The following CPS1 variants were observed in gnomAD, a reference collection of about 807,000 sequenced individuals.
The protein encoded by CPS1 is carbamoyl-phosphate synthase [ammonia], mitochondrial.
CPS1 carries 109 observed loss-of-function variants against 174.6 expected under a neutral mutation model. The ratio of observed to expected loss-of-function variants is 0.62; its 90% confidence interval spans 0.53 to 0.73. The LOEUF (loss-of-function observed/expected upper bound fraction) is 0.73, where lower values mean the gene tolerates loss of function less well. Among genes scored for constraint, CPS1 ranks in the 30% least tolerant of loss-of-function variants. CPS1 has a pLI of 0.00. For missense variants in CPS1, 1,689 were observed against 1,821.9 expected (o/e 0.93, Z 1.33); for synonymous variants, 637 against 632.0 (o/e 1.01, Z -0.12).
At chr2:210,510,627 T>C (rs1046270136) in intron 1 of CPS1, among the ~76,000 whole-genome samples, 6 of 152,108 alleles carry the variant, frequency 3.9e-5, no homozygotes, top group African/African-American at 9.7e-5. Context: ...ATTTTTGCAA[T>C]CTGCTCATCT....
At chr2:210,566,820 C>T (rs1022223948) in intron 1 of CPS1, among the ~76,000 whole-genome samples, 3 of 151,520 alleles carry the variant, frequency 2.0e-5, no homozygotes, top group African/African-American at 4.9e-5. Flanking sequence ...GTATTCAGTA[C>T]GTTCATGTTA....
At chr2:210,530,629 C>T (rs1369863335) in intron 1 of CPS1, among the ~76,000 whole-genome samples, 1 of 152,022 alleles carries the variant, frequency 6.6e-6, no homozygotes, top group African/African-American at 2.4e-5. Flanking sequence ...GGAGGTTATT[C>T]AGTTTAACCT....
At chr2:210,670,196 G>A (rs1334988203) in intron 34 of CPS1, among the ~76,000 whole-genome samples, 113 of 151,850 alleles carry the variant, frequency 7.4e-4, no homozygotes, top group Admixed American at 7.3e-3. Flanking sequence ...GAGAGCATAC[G>A]GACACAGATT....
intron 35 of CPS1, 22 bp downstream of exon 35, chr2:210,674,983 T>G: frequency 6.3e-7 from 1 of 1,585,338 alleles, no homozygotes; most frequent in Non-Finnish European, 8.7e-7. Flanking sequence ...AGTTTTAAGT[T>G]GTTTTCTGTC....
intron 34 of CPS1, among the ~76,000 whole-genome samples, chr2:210,670,807 G>A (rs529534752): frequency 1.3e-5 from 2 of 151,928 alleles, no homozygotes; most frequent in Non-Finnish European, 2.9e-5. Context: ...CTCTGTTTCT[G>A]GTCTTCCAAA....
chr2:210,543,596 G>T (rs1378858422), intron 1 of CPS1, among the ~76,000 whole-genome samples: 2 of 152,016 alleles, frequency 1.3e-5, no homozygotes, highest in East Asian at 3.9e-4. Flanking sequence ...TAGCAAAACA[G>T]CCTACTTTAT....
chr2:210,602,403 G>A, intron 16 of CPS1, 73 bp downstream of exon 16: 1 of 1,523,242 alleles, frequency 6.6e-7, no homozygotes, highest in Non-Finnish European at 9.1e-7. Context: ...ACTAGAGAAA[G>A]TTATGTAGAT....
intron 1 of CPS1, among the ~76,000 whole-genome samples, chr2:210,549,319 A>G (rs1047045667): frequency 3.9e-5 from 6 of 152,064 alleles, no homozygotes; most frequent in South Asian, 4.1e-4. Flanking sequence ...TTTTGTTGCA[A>G]TGATAATCGT....
intron 1 of CPS1, among the ~76,000 whole-genome samples, chr2:210,482,142 T>C (rs985016667): frequency 6.6e-6 from 1 of 152,164 alleles, no homozygotes; most frequent in African/African-American, 2.4e-5. Flanking sequence ...CAAGGAGTTA[T>C]ATAAAACTTT....
At chr2:210,610,719 A>C (rs1277967319) in intron 19 of CPS1, among the ~76,000 whole-genome samples, 2 of 151,832 alleles carry the variant, frequency 1.3e-5, no homozygotes, top group African/African-American at 4.8e-5. Context: ...GTGCCGCTAC[A>C]CTCCAGCCTG....
At chr2:210,502,282 G>T (rs1373665653) in intron 1 of CPS1, among the ~76,000 whole-genome samples, 1 of 151,466 alleles carries the variant, frequency 6.6e-6, no homozygotes, top group Non-Finnish European at 1.5e-5. Context: ...GTTGATCTTT[G>T]TGCAATATCT....
At chr2:210,658,455 C>A in intron 30 of CPS1, 144 bp from the exon 31 acceptor site, 1 of 657,920 alleles carries the variant, frequency 1.5e-6, no homozygotes, top group Non-Finnish European at 2.8e-6. Context: ...TAGTGCCCTC[C>A]ATTATAATTA....
chr2:210,566,168 G>C (rs1470574761), intron 1 of CPS1, among the ~76,000 whole-genome samples: 1 of 152,028 alleles, frequency 6.6e-6, no homozygotes, highest in South Asian at 2.1e-4. Flanking sequence ...AGCAGGAGAT[G>C]GTTTGCTGAC....
chr2:210,637,704 A>G lies in CPS1; in HGVS notation c.2690A>G (p.Glu897Gly). ...MEKTLKGLNSESMTEETLKRA... is the reference protein window; with the variant it reads ...MEKTLKGLNSGSMTEETLKRA... ...CTCTCTTTTCTATTAAATCCTAGTGAGTCCATGACAGAAGAAACCCTGAAA... is the reference window on the plus strand; with the variant it reads ...CTCTCTTTTCTATTAAATCCTAGTGGGTCCATGACAGAAGAAACCCTGAAA... Residue 897 changes from glutamate (E) to glycine (G), a missense_variant and splice_region_variant, in exon 22 of 38, where the codon GAG becomes GGG. By Grantham distance (98) the Glu-to-Gly change is moderately conservative (BLOSUM62 -2). Coordinates refer to ENST00000233072, the MANE Select transcript of CPS1 (RefSeq NM_001875.5). The G allele has an allele frequency of 6.2e-7, 1 of 1,613,976 alleles. No individual in the cohort carries two copies. Among genetic ancestry groups the G allele is most frequent in the Non-Finnish European group, 8.5e-7 (1 of 1,179,882 alleles).
At chr2:210,507,149 G>A (rs557368678) in intron 1 of CPS1, among the ~76,000 whole-genome samples, 369 of 152,318 alleles carry the variant, frequency 2.4e-3, no homozygotes, top group African/African-American at 8.4e-3. Flanking sequence ...TACCCATAAA[G>A]GGAAGCCTAT....
chr2:210,539,082 T>G (rs898810539), intron 1 of CPS1, among the ~76,000 whole-genome samples: 1 of 152,184 alleles, frequency 6.6e-6, no homozygotes, highest in Non-Finnish European at 1.5e-5. Context: ...TCTTTTTATT[T>G]AGGCTTCATG....
intron 19 of CPS1, 26 bp downstream of exon 19, chr2:210,608,585 T>A: frequency 6.2e-7 from 1 of 1,603,718 alleles, no homozygotes; most frequent in East Asian, 2.2e-5. Context: ...ATTACGCTTT[T>A]CTTCTTGTTC....
intron 13 of CPS1, among the ~76,000 whole-genome samples, chr2:210,596,078 A>C (rs1698472315): frequency 1.3e-5 from 2 of 151,908 alleles, no homozygotes; most frequent in East Asian, 1.9e-4. Context: ...ACTGGGGGAC[A>C]CAGTTCTCCC....
intron 1 of CPS1, among the ~76,000 whole-genome samples, chr2:210,535,819 GTTTTTTT>G (rs67369344): frequency 1.3e-3 from 152 of 118,184 alleles, no homozygotes; most frequent in South Asian, 2.0e-3. Flanking sequence ...CTTTTTCCTT[GTTTTTTT>G]TTTTTTTTTT....
Sources: gnomAD v4.1 joint callset for allele counts (sites outside exome capture counted in the v4.1 genomes callset) on GRCh38, gnomAD v4.1.1 for gene constraint, MANE v1.5 for transcripts, NCBI Gene and HGNC (gene_info 2026-07-23, HGNC 2026-07-21) for gene names.